SLC12A6: variants seen among roughly 807,000 people sequenced by gnomAD.
SLC12A6 encodes the protein K-Cl cotransporter 3.
SLC12A6 carries 66 observed loss-of-function variants against 135.3 expected under a neutral mutation model. That is an observed-to-expected ratio of 0.49 (90% CI 0.40 to 0.60). The LOEUF is 0.60. Ranked by LOEUF, SLC12A6 falls within the 20% of genes least tolerant of loss-of-function variation. SLC12A6 has a pLI of 0.00. For missense variants in SLC12A6, 1,058 were observed against 1,452.3 expected (o/e 0.73, Z 4.41); for synonymous variants, 513 against 508.8 (o/e 1.01, Z -0.11).
At chr15:34,291,795 G>A (rs147437878) in intron 2 of SLC12A6, among the ~76,000 whole-genome samples, 32 of 151,838 alleles carry the variant, frequency 2.1e-4, no homozygotes, top group African/African-American at 7.5e-4. Context: ...GCTTGTGTAT[G>A]CTTCACTAAG....
chr15:34,331,287 G>C (rs1889827943), intron 2 of SLC12A6, among the ~76,000 whole-genome samples: 1 of 152,132 alleles, frequency 6.6e-6, no homozygotes, highest in East Asian at 1.9e-4. Flanking sequence ...TTATAAGCAT[G>C]CACCGCAACA....
chr15:34,248,748 A>C (rs746952625), intron 13 of SLC12A6, among the ~76,000 whole-genome samples: 2 of 152,168 alleles, frequency 1.3e-5, no homozygotes, highest in African/African-American at 2.4e-5. Context: ...AAATGCTATA[A>C]TATAGTATAT....
intron 24 of SLC12A6, among the ~76,000 whole-genome samples, chr15:34,235,692 C>T (rs900383895): frequency 6.6e-6 from 1 of 152,146 alleles, no homozygotes; most frequent in African/African-American, 2.4e-5. Context: ...CCCGCCTCTG[C>T]CTCCCAAAGT....
In SLC12A6 at chr15:34,257,768, G is replaced by A. The variant is rs2140747043; in HGVS notation, c.564C>T (p.Phe188=). ...KPTKTPQMGT[F]MGVYLPCLQN... is the part of the protein sequence containing the mutation. The stretch of plus-strand genomic sequence containing the variant: ...GTAGACATGGGAGGTAGACACCCAT[G>A]AAGGTACCCATTTGGGGGGTCTAGA... Residue 188 remains phenylalanine, a synonymous_variant, in exon 6 of 26, where the codon TTC becomes TTT. Transcript: ENST00000354181. 6.2e-7 allele frequency: 1 copy of A among 1,607,844 alleles called. No individual in the cohort carries two copies. Among genetic ancestry groups the A allele is most frequent in the African/African-American group, 1.3e-5 (1 of 74,914 alleles).
rs1330100912 is a variant in SLC12A6 at position 34,246,536 on chromosome 15, TCA to T, written c.1650-671_1650-670del. 2.6e-5 allele frequency among the ~76,000 whole-genome samples: 4 copies of T among 152,184 alleles called. No individual in the cohort carries two copies. The East Asian group carries it at 7.7e-4, about 29-fold the overall frequency. On this transcript the variant is annotated intron_variant, in intron 13 of 25. Coordinates refer to ENST00000354181, the MANE Select transcript of SLC12A6 (RefSeq NM_001365088.1). Reference sequence around the variant, plus strand: ...TTGTAGTGATTTGAATAATATTGCATCACAATTTCTTATCCATTCTTCTAGTG... The same window carrying T: ...TTGTAGTGATTTGAATAATATTGCATCAATTTCTTATCCATTCTTCTAGTG...
At chr15:34,261,357 C>T (rs8023314) in intron 3 of SLC12A6, among the ~76,000 whole-genome samples, 2 of 152,124 alleles carry the variant, frequency 1.3e-5, no homozygotes, top group African/African-American at 4.8e-5. Flanking sequence ...AGTGCAGTGG[C>T]GCAATCTCAG....
At chr15:34,308,566 A>G (rs1205807859) in intron 2 of SLC12A6, among the ~76,000 whole-genome samples, 1 of 145,402 alleles carries the variant, frequency 6.9e-6, no homozygotes, top group African/African-American at 2.6e-5. Flanking sequence ...CGGAGGTTGC[A>G]GTGAGCCGAG....
chr15:34,251,393 G>A lies in SLC12A6; in HGVS notation c.1334-336C>T, dbSNP rs111674679. On this transcript the variant is annotated intron_variant, in intron 10 of 25. Transcript: ENST00000354181. ...ATCCTGAGTAGCTGGGACTACAGGC[G>A]CCTGCCACCACGCCCAGCTAATTTT... Among the ~76,000 whole-genome samples, 263 of 152,008 alleles carry A rather than the reference G, an allele frequency of 1.7e-3. 3 individuals carry two copies. Among genetic ancestry groups the A allele is most frequent in the African/African-American group, 6.1e-3 (252 of 41,460 alleles).
intron 2 of SLC12A6, among the ~76,000 whole-genome samples, chr15:34,319,947 A>G (rs1595567524): frequency 2.0e-5 from 3 of 152,310 alleles, no homozygotes; most frequent in Admixed American, 2.0e-4. Flanking sequence ...TACCCTTAAA[A>G]TAACATACTT....
chr15:34,322,480 T>C (rs985444873), intron 2 of SLC12A6, among the ~76,000 whole-genome samples: 5 of 152,192 alleles, frequency 3.3e-5, no homozygotes, highest in African/African-American at 9.7e-5. Flanking sequence ...ATTATATGAA[T>C]TCTAATTTAT....
At chr15:34,310,325 G>T (rs1408751500) in intron 2 of SLC12A6, among the ~76,000 whole-genome samples, 1 of 119,888 alleles carries the variant, frequency 8.3e-6, no homozygotes, top group Non-Finnish European at 1.7e-5. Flanking sequence ...GTGTGTGTGT[G>T]TCCCCGTGTC....
Position 34,252,223 on chromosome 15 carries a change from T to C in SLC12A6, c.1280A>G (p.Asn427Ser), listed in dbSNP as rs1295620383. Residue 427 changes from asparagine (N) to serine (S), a missense_variant, in exon 10 of 26, where the codon AAT (asparagine) becomes AGT (serine). Asn to Ser is a conservative substitution (Grantham distance 46, BLOSUM62 1). This residue lies in a region of SLC12A6 where 297 missense variants were observed against 318.5 expected (regional missense o/e 0.93). Transcript: ENST00000354181. ...AATGCCCTGGATTGAAGTGACGTTA[T>C]TGTGAACAAAGTATTCATCACAGGT... ...NATCDEYFVH[N>S]NVTSIQGIPG... 66 of 1,609,418 alleles carry C rather than the reference T, an allele frequency of 4.1e-5. No homozygotes were observed. Among genetic ancestry groups the C allele is most frequent in the Non-Finnish European group, 5.5e-5 (65 of 1,175,766 alleles).
intron 6 of SLC12A6, among the ~76,000 whole-genome samples, chr15:34,256,773 G>A (rs1211700091): frequency 6.6e-6 from 1 of 152,190 alleles, no homozygotes; most frequent in African/African-American, 2.4e-5. Context: ...GCTGGAGGCC[G>A]AGTGATTGGT....
rs147712898 is a variant in SLC12A6, at chr15:34,230,031, G to A, written c.*3850C>T. 6.0e-6 allele frequency: 3 copies of A among 501,338 alleles called. No homozygotes were observed. Among genetic ancestry groups the A allele is most frequent in the Non-Finnish European group, 1.1e-5 (3 of 285,144 alleles). The allele number at this position is 501,338 out of a possible 1,614,324, so 31.1% of individuals were successfully genotyped here. On this transcript the variant is annotated 3_prime_UTR_variant, in exon 26 of 26. Coordinates refer to ENST00000354181, the MANE Select transcript of SLC12A6 (RefSeq NM_001365088.1). The stretch of plus-strand genomic sequence containing the variant: ...GTAGAAAACTTTATTTTTGTTTCCA[G>A]TACAGAGCAAAACAACAACAAAAAA...
chr15:34,246,897 C>T (rs1032999847), intron 13 of SLC12A6, among the ~76,000 whole-genome samples: 2 of 152,180 alleles, frequency 1.3e-5, no homozygotes, highest in Non-Finnish European at 2.9e-5. Flanking sequence ...GTGATCTTCC[C>T]CTCTTGGCCT....
chr15:34,288,224 G>A (rs188659180), intron 2 of SLC12A6, among the ~76,000 whole-genome samples: 2 of 151,400 alleles, frequency 1.3e-5, no homozygotes, highest in East Asian at 3.9e-4. Flanking sequence ...CCATGTATAT[G>A]TTTGTGTAGT....
At chr15:34,309,982 G>A (rs918904635) in intron 2 of SLC12A6, among the ~76,000 whole-genome samples, 2 of 150,576 alleles carry the variant, frequency 1.3e-5, no homozygotes, top group Admixed American at 6.6e-5. Flanking sequence ...CTATTTTAAT[G>A]TTAGTGAATA....
At chr15:34,320,119 C>T (rs1029240725) in intron 2 of SLC12A6, among the ~76,000 whole-genome samples, 4 of 152,146 alleles carry the variant, frequency 2.6e-5, no homozygotes, top group African/African-American at 7.2e-5. Flanking sequence ...TTGGGAATGC[C>T]TTCCATCTGA....
chr15:34,287,333 A>G (rs1696886006), intron 2 of SLC12A6, among the ~76,000 whole-genome samples: 1 of 152,190 alleles, frequency 6.6e-6, no homozygotes, highest in Non-Finnish European at 1.5e-5. Context: ...ATGGCTGCAT[A>G]GTATTCCATG....
Sources: gnomAD v4.1 joint callset for allele counts (sites outside exome capture counted in the v4.1 genomes callset) on GRCh38, gnomAD v4.1.1 for gene constraint, gnomAD v4.1.1 regional missense constraint, MANE v1.5 for transcripts, NCBI Gene and HGNC (gene_info 2026-07-23, HGNC 2026-07-21) for gene names.